The following STK10 variants were observed in gnomAD, a reference collection of about 807,000 sequenced individuals.
STK10 encodes the protein serine/threonine kinase 10, also known as serine/threonine-protein kinase 10.
STK10 carries 78 observed loss-of-function variants against 113.8 expected under a neutral mutation model. The ratio of observed to expected loss-of-function variants is 0.69; its 90% CI spans 0.57 to 0.83. The LOEUF (loss-of-function observed/expected upper bound fraction) is 0.83, where lower values mean the gene tolerates loss of function less well. Ranked by LOEUF, STK10 falls within the 40% of genes least tolerant of loss-of-function variation. The pLI is 0.00. For missense variants in STK10, 1,109 were observed against 1,280.1 expected (o/e 0.87, Z 2.04); for synonymous variants, 465 against 494.7 (o/e 0.94, Z 0.80).
chr5:172,102,079 C>T (rs1376815795), intron 7 of STK10, among the ~76,000 whole-genome samples: 1 of 152,040 alleles, frequency 6.6e-6, no homozygotes, highest in Non-Finnish European at 1.5e-5. Flanking sequence ...TGAGCTGGCC[C>T]CTGTTGAGAA....
At chr5:172,052,372 T>C (rs537140888) in intron 18 of STK10, among the ~76,000 whole-genome samples, 40 of 152,256 alleles carry the variant, frequency 2.6e-4, no homozygotes, top group Non-Finnish European at 2.9e-4. Flanking sequence ...CCCCAGAAAC[T>C]TCAGCTAAGA....
intron 7 of STK10, among the ~76,000 whole-genome samples, chr5:172,098,031 C>G (rs1210886247): frequency 6.6e-6 from 1 of 152,092 alleles, no homozygotes; most frequent in Non-Finnish European, 1.5e-5. Flanking sequence ...CATCATGAAG[C>G]TAGAATTTGC....
At chr5:172,137,083 T>A (rs986356561) in intron 2 of STK10, among the ~76,000 whole-genome samples, 9 of 151,176 alleles carry the variant, frequency 6.0e-5, no homozygotes, top group African/African-American at 1.7e-4. Context: ...ATTTTAAAAC[T>A]AGGAATGTTT....
intron 2 of STK10, among the ~76,000 whole-genome samples, chr5:172,143,238 T>A (rs764573080): frequency 6.6e-6 from 1 of 152,118 alleles, no homozygotes; most frequent in Non-Finnish European, 1.5e-5. Flanking sequence ...TGGTGGCACA[T>A]GTCTATAATC....
chr5:172,182,341 CAA>C (rs1408919260), intron 1 of STK10, among the ~76,000 whole-genome samples: 2 of 140,746 alleles, frequency 1.4e-5, no homozygotes. Context: ...TTAAAAACAA[CAA>C]AAAATCAAAA....
chr5:172,166,197 G>A (rs1035741331), intron 1 of STK10, among the ~76,000 whole-genome samples: 2 of 152,220 alleles, frequency 1.3e-5, no homozygotes, highest in African/African-American at 4.8e-5. Flanking sequence ...AGCCCATCTT[G>A]CCACTCCTTC....
intron 3 of STK10, among the ~76,000 whole-genome samples, chr5:172,123,221 G>C (rs1769552486): frequency 6.6e-6 from 1 of 152,152 alleles, no homozygotes; most frequent in Non-Finnish European, 1.5e-5. Flanking sequence ...GGCATCTGCA[G>C]GAAGGTCAAC....
At chr5:172,163,756 A>C (rs2113825356) in intron 1 of STK10, among the ~76,000 whole-genome samples, 1 of 152,324 alleles carries the variant, frequency 6.6e-6, no homozygotes, top group East Asian at 1.9e-4. Flanking sequence ...TGAGGGAATC[A>C]CTGCCCTCCC....
rs2306961 is a variant in STK10 at position 172,106,778 on chromosome 5, T to C, written c.630A>G (p.Lys210=). 377,821 of 1,613,924 alleles carry C rather than the reference T, an allele frequency of 0.23. 45,119 individuals carry two copies. Among genetic ancestry groups the C allele is most frequent in the African/African-American group, 0.3 (22,449 of 74,950 alleles). The stretch of plus-strand genomic sequence containing the variant: ...CGGCTTTGTAGTCGTAGGGCGTGTC[T>C]TTCATGGTCTCACACATGACCACCT... The part of the protein sequence containing the change: ...APEVVMCETM[K]DTPYDYKADI... The change falls in exon 6 of 19, where the codon AAA becomes AAG. Residue 210 remains lysine (K), a synonymous_variant. Coordinates refer to ENST00000176763, the MANE Select transcript of STK10 (RefSeq NM_005990.4).
intron 12 of STK10, among the ~76,000 whole-genome samples, chr5:172,069,187 T>C (rs1768129858): frequency 6.6e-6 from 1 of 151,592 alleles, no homozygotes; most frequent in Admixed American, 6.6e-5. Flanking sequence ...ACAAAACAGG[T>C]AATAATTTAA....
At chr5:172,069,299 T>C (rs188691703) in intron 12 of STK10, among the ~76,000 whole-genome samples, 12 of 152,184 alleles carry the variant, frequency 7.9e-5, no homozygotes, top group East Asian at 5.8e-4. Context: ...AAGAAACCCA[T>C]GTTAAATATA....
At chr5:172,057,004 G>GGA (rs1767812793) in intron 15 of STK10, 1 of 73,394 alleles carries the variant, frequency 1.4e-5, no homozygotes, top group Non-Finnish European at 2.8e-5. Flanking sequence ...AGAGAAAGAA[G>GGA]GAAAGAAAGA....
chr5:172,125,797 G>A (rs1429208041), intron 3 of STK10, among the ~76,000 whole-genome samples: 10 of 152,118 alleles, frequency 6.6e-5, no homozygotes, highest in South Asian at 2.1e-4. Context: ...CCTATGAAGC[G>A]CCTTGAAGTT....
At chr5:172,135,413 G>A (rs1431826530) in intron 2 of STK10, among the ~76,000 whole-genome samples, 2 of 152,130 alleles carry the variant, frequency 1.3e-5, no homozygotes, top group Non-Finnish European at 2.9e-5. Flanking sequence ...TTAGGAGGCT[G>A]AGACAAAAGA....
chr5:172,135,693 G>C (rs1406504571), intron 2 of STK10, among the ~76,000 whole-genome samples: 1 of 152,102 alleles, frequency 6.6e-6, no homozygotes. Context: ...CCTACATATA[G>C]ATCCAAAAGA....
chr5:172,165,859 T>C (rs1246473204), intron 1 of STK10, among the ~76,000 whole-genome samples: 1 of 151,998 alleles, frequency 6.6e-6, no homozygotes, highest in Non-Finnish European at 1.5e-5. Flanking sequence ...AATGGTGCGA[T>C]CTTGGCTCAC....
chr5:172,049,917 C>T (rs773231458), intron 18 of STK10, among the ~76,000 whole-genome samples: 1 of 152,224 alleles, frequency 6.6e-6, no homozygotes, highest in Non-Finnish European at 1.5e-5. Context: ...ATTCTCCTGC[C>T]TCAGCCGCCC....
chr5:172,095,453 CT>C (rs1768826064), intron 8 of STK10, among the ~76,000 whole-genome samples: 1 of 152,218 alleles, frequency 6.6e-6, no homozygotes. Flanking sequence ...AAATCCACCC[CT>C]GGCCCTGCCA....
chr5:172,070,265 A>C (rs907059658), intron 12 of STK10, among the ~76,000 whole-genome samples: 10 of 149,924 alleles, frequency 6.7e-5, no homozygotes, highest in Non-Finnish European at 1.5e-4. Flanking sequence ...ATATATATCT[A>C]TATATCTATA....
Sources: allele counts gnomAD v4.1 joint callset (sites outside exome capture counted in the v4.1 genomes callset), GRCh38; gene constraint gnomAD v4.1.1; transcripts MANE v1.5; gene names NCBI Gene and HGNC (gene_info 2026-07-23, HGNC 2026-07-21).